The following FXN variants were observed in gnomAD, a reference collection of about 807,000 sequenced individuals.
FXN encodes the protein frataxin, mitochondrial.
In FXN, 14 loss-of-function variants were observed where a neutral mutation model predicts 22.4. The ratio of observed to expected loss-of-function variants is 0.62; its 90% CI spans 0.41 to 0.98. The LOEUF is 0.98. FXN is among the 50% of genes least tolerant of loss of function. The pLI, the probability that FXN is intolerant of heterozygous loss-of-function variation, is 0.00. For synonymous variants in FXN, 120 were observed against 114.1 expected (o/e 1.05, Z -0.33); for missense variants, 267 against 268.4 (o/e 0.99, Z 0.04).
In FXN at chr9:69,073,311, A is replaced by C; in HGVS notation, c.*549A>C. The C allele has an allele frequency of 1.0e-6, 1 of 998,080 alleles. No individual in the cohort carries two copies. The highest frequency in any genetic ancestry group is 1.1e-4 in the East Asian group (1 of 9,476). 61.8% of individuals were successfully genotyped at this position (998,080 alleles called of 1,614,324 possible). ...AACTCACACGGGAAGATCATTTCTT[A>C]TTTGTGCTCTGTGACTGCCAAGGTG... On this transcript the variant is annotated 3_prime_UTR_variant, in exon 5 of 5. Coordinates refer to ENST00000484259, the MANE Select transcript of FXN (RefSeq NM_000144.5).
intron 2 of FXN, among the ~76,000 whole-genome samples, chr9:69,050,130 A>G (rs897871058): frequency 1.3e-5 from 2 of 152,020 alleles, no homozygotes; most frequent in African/African-American, 4.8e-5. Flanking sequence ...CTTTATATAA[A>G]CTGTCTCATT....
chr9:69,071,480 G>T (rs148375397), intron 4 of FXN, among the ~76,000 whole-genome samples: 109 of 152,296 alleles, frequency 7.2e-4, no homozygotes, highest in African/African-American at 2.6e-3. Context: ...CCATCAGGGT[G>T]CCACATGCAC....
chr9:69,071,498 A>C (rs141535611), intron 4 of FXN, among the ~76,000 whole-genome samples: 8 of 152,142 alleles, frequency 5.3e-5, no homozygotes, highest in African/African-American at 1.9e-4. Context: ...CACTAGTGTT[A>C]TCTGCTGCCG....
Position 69,072,307 on chromosome 9 carries a change from C to A in FXN, c.483-305C>A, listed in dbSNP as rs189253680. Among the ~76,000 whole-genome samples the A allele has an allele frequency of 1.6e-3, 239 of 152,242 alleles. 1 individual carries two copies. Among genetic ancestry groups the A allele is most frequent in the African/African-American group, 5.6e-3 (231 of 41,532 alleles). On this transcript the variant is annotated intron_variant, in intron 4 of 4. Coordinates refer to ENST00000484259, the MANE Select transcript of FXN (RefSeq NM_000144.5). ...GGCCCTAATTTTTAAAACACTGCTC[C>A]AGCATAGCAGGTATCACATGTGAGG...
At chr9:69,067,686 G>C (rs918622266) in intron 4 of FXN, among the ~76,000 whole-genome samples, 1 of 152,126 alleles carries the variant, frequency 6.6e-6, no homozygotes, top group Non-Finnish European at 1.5e-5. Context: ...TGAAAAGTAG[G>C]GTGAAATTCT....
At position 69,038,813 on chromosome 9, in the gene FXN, A is replaced by G. The variant is rs182016974; in HGVS notation, c.165+2866A>G. 3.9e-5 allele frequency among the ~76,000 whole-genome samples: 6 copies of G among 152,232 alleles called. No homozygotes were observed. In the East Asian group the frequency reaches 9.7e-4, roughly 24 times the overall value. ...ACATACAAAAAAAATCAGTAATAAG[A>G]TATCTTGCATACTCTTTTCGTACTC... On this transcript the variant is annotated intron_variant, in intron 1 of 4. Transcript: ENST00000484259.
Position 69,042,174 on chromosome 9 carries a change from G to A in FXN, c.166-4211G>A, listed in dbSNP as rs367878111. On this transcript the variant is annotated intron_variant, in intron 1 of 4. Coordinates refer to ENST00000484259, the MANE Select transcript of FXN (RefSeq NM_000144.5). ...AATCACTTGAACCCGGGAGGCGGAG[G>A]TTGCAATAAGCCTAGATTGTGCCAC... Among the ~76,000 whole-genome samples the A allele has an allele frequency of 5.3e-5, 8 of 151,508 alleles. No individual in the cohort carries two copies. The South Asian group carries it at 1.5e-3, about 28-fold the overall frequency.
chr9:69,070,465 G>A (rs1832253614), intron 4 of FXN, among the ~76,000 whole-genome samples: 1 of 152,214 alleles, frequency 6.6e-6, no homozygotes, highest in Non-Finnish European at 1.5e-5. Flanking sequence ...CCAGGAGGGA[G>A]GCAGGTAACG....
chr9:69,052,990 CAAAAAAA>C (rs370853196), intron 2 of FXN, 143 bp from the exon 3 acceptor site: 5 of 586,724 alleles, frequency 8.5e-6, no homozygotes, highest in Non-Finnish European at 1.2e-5. Context: ...GACTCTGTCT[CAAAAAAA>C]AAAAAAAAAG....
At position 69,078,770 on chromosome 9, in the gene FXN, C is replaced by A. The variant is rs1291513900; in HGVS notation, c.*6008C>A. The A allele has an allele frequency of 1.0e-6, 1 of 985,516 alleles. No homozygotes were observed. Among genetic ancestry groups the A allele is most frequent in the Non-Finnish European group, 1.2e-6 (1 of 830,070 alleles). The allele number at this position is 985,516 out of a possible 1,614,324, so 61.0% of individuals were successfully genotyped here. A position where few individuals can be genotyped will look rare whatever the true frequency, so the allele number is the denominator to read the frequency against. The stretch of plus-strand genomic sequence containing the variant: ...ATCTCTGCCTGGGGGGTAGATTCTA[C>A]CCTGAAAAATGTTCTTGGCACAGCC... On this transcript the variant is annotated 3_prime_UTR_variant, in exon 5 of 5. Transcript: ENST00000484259.
chr9:69,056,122 T>G (rs936547713), intron 3 of FXN, among the ~76,000 whole-genome samples: 1 of 152,124 alleles, frequency 6.6e-6, no homozygotes, highest in Admixed American at 6.5e-5. Flanking sequence ...CAAGCGATTC[T>G]CTCACCTCGG....
chr9:69,075,254 T>A lies in FXN; in HGVS notation c.*2492T>A. The A allele has an allele frequency of 1.5e-6, 1 of 671,002 alleles. No individual in the cohort carries two copies. The highest frequency in any genetic ancestry group is 1.8e-6 in the Non-Finnish European group (1 of 544,366). 41.6% of individuals were successfully genotyped at this position (671,002 alleles called of 1,614,324 possible). A position where few individuals can be genotyped will look rare whatever the true frequency, so the allele number is the denominator to read the frequency against. On this transcript the variant is annotated 3_prime_UTR_variant, in exon 5 of 5. Transcript: ENST00000484259. ...AAGTGTATCACCTGAGGTCAGGAGT[T>A]CAAGACCAGCCTGGCCAACATGGCA...
intron 4 of FXN, among the ~76,000 whole-genome samples, chr9:69,069,001 G>T (rs1238692236): frequency 6.6e-6 from 1 of 152,336 alleles, no homozygotes; most frequent in South Asian, 2.1e-4. Context: ...CTGAATGACG[G>T]CACTGACCAT....
rs530943238 is a variant in FXN at position 69,045,846 on chromosome 9, G to T, written c.166-539G>T. ...AGGGGGGAAGTGTGCAAGGGCAAGT[G>T]GGGGGGTCCCTCTGCTAGTTCCGTG... On this transcript the variant is annotated intron_variant, in intron 1 of 4. Transcript: ENST00000484259. Among the ~76,000 whole-genome samples the T allele has an allele frequency of 1.5e-4, 22 of 151,450 alleles. No homozygotes were observed. The South Asian group carries it at 3.6e-3, about 25-fold the overall frequency.
chr9:69,078,486 G>A lies in FXN; in HGVS notation c.*5724G>A, dbSNP rs189908213. On this transcript the variant is annotated 3_prime_UTR_variant, in exon 5 of 5. Coordinates refer to ENST00000484259, the MANE Select transcript of FXN (RefSeq NM_000144.5). ...ATCATCTAGCTACACAGTCTCCAGG[G>A]TAAGCTTTCAGAAAGGCAATCTCTT... is the stretch of plus-strand genomic sequence containing the variant. 198 of 981,970 alleles carry A rather than the reference G, an allele frequency of 2.0e-4. No homozygotes were observed. In the African/African-American group the frequency reaches 3.3e-3, roughly 16 times the overall value. The allele number at this position is 981,970 out of a possible 1,614,324, so 60.8% of individuals were successfully genotyped here.
Position 69,073,921 on chromosome 9 carries a change from C to T in FXN, c.*1159C>T. ...ATCCTTGGCCTGGCGCGGTGGCTCA[C>T]ACCTGTAATCCCAGCACTTTTGGAG... is the stretch of plus-strand genomic sequence containing the variant. On this transcript the variant is annotated 3_prime_UTR_variant, in exon 5 of 5. Transcript: ENST00000484259. The T allele has an allele frequency of 3.1e-6, 3 of 976,938 alleles. No individual in the cohort carries two copies. The highest frequency in any genetic ancestry group is 2.4e-6 in the Non-Finnish European group (2 of 822,234). 60.5% of individuals were successfully genotyped at this position (976,938 alleles called of 1,614,324 possible).
rs1346310235 is a variant in FXN, at chr9:69,076,471, A to G, written c.*3709A>G. 1.0e-6 allele frequency: 1 copy of G among 985,318 alleles called. No homozygotes were observed. The highest frequency in any genetic ancestry group is 1.7e-5 in the African/African-American group (1 of 57,242). The allele number at this position is 985,318 out of a possible 1,614,324, so 61.0% of individuals were successfully genotyped here. ...AGATTCTGATTCCCTGGAACCATTT[A>G]TCGTGTGCCTTACCATGCTTATATT... On this transcript the variant is annotated 3_prime_UTR_variant, in exon 5 of 5. Transcript: ENST00000484259.
chr9:69,063,897 C>T (rs536734040), intron 3 of FXN, among the ~76,000 whole-genome samples: 1 of 152,178 alleles, frequency 6.6e-6, no homozygotes, highest in East Asian at 1.9e-4. Context: ...TTGCCTAGGC[C>T]GGTCTGGAAC....
chr9:69,048,080 C>T (rs1258491306), intron 2 of FXN, among the ~76,000 whole-genome samples: 1 of 152,184 alleles, frequency 6.6e-6, no homozygotes, highest in Non-Finnish European at 1.5e-5. Flanking sequence ...TATTCACTTT[C>T]AGGCAGTCCC....
Sources: gnomAD v4.1 joint callset for allele counts (sites outside exome capture counted in the v4.1 genomes callset) on GRCh38, gnomAD v4.1.1 for gene constraint, MANE v1.5 for transcripts, NCBI Gene and HGNC (gene_info 2026-07-23, HGNC 2026-07-21) for gene names.